The following FARP2 variants were observed in gnomAD, a reference collection of about 807,000 sequenced individuals.
FARP2 encodes FERM, ARH/RhoGEF and pleckstrin domain protein 2, also known as FERM, ARHGEF and pleckstrin domain-containing protein 2.
In FARP2, 111 loss-of-function variants were observed where a neutral mutation model predicts 130.5. The ratio of observed to expected loss-of-function variants is 0.85; its 90% CI spans 0.73 to 1.00. The LOEUF (loss-of-function observed/expected upper bound fraction) is 1.00. Ranked by LOEUF, FARP2 falls within the 50% of genes least tolerant of loss-of-function variation. The pLI is 0.00. For missense variants in FARP2, 1,385 were observed against 1,346.3 expected (o/e 1.03, Z -0.45); for synonymous variants, 504 against 516.9 (o/e 0.98, Z 0.34).
chr2:241,397,788 G>T (rs1431526724), intron 2 of FARP2, among the ~76,000 whole-genome samples: 1 of 150,910 alleles, frequency 6.6e-6, no homozygotes, highest in African/African-American at 2.4e-5. Context: ...AAATGTGAAA[G>T]ATCAATTTTC....
In FARP2 at chr2:241,480,519, A is replaced by T. The variant is rs535644964; in HGVS notation, c.2263-2946A>T. On this transcript the variant is annotated intron_variant, in intron 19 of 26. Transcript: ENST00000264042. The stretch of plus-strand genomic sequence containing the variant: ...GATTTTTGACCTTGATACAATAGAT[A>T]GGCTTGTGTTGTGTTTTTTTTTTTA... Among the ~76,000 whole-genome samples, 6 of 129,688 alleles carry T rather than the reference A, an allele frequency of 4.6e-5. No homozygotes were observed. The South Asian group carries it at 1.0e-3, about 22-fold the overall frequency. 85.1% of individuals were successfully genotyped at this position (129,688 alleles called of 152,430 possible). A position where few individuals can be genotyped will look rare whatever the true frequency, so the allele number is the denominator to read the frequency against.
rs565236385 is a variant in FARP2, at chr2:241,466,334, C to T, written c.1894-1806C>T. 93 of 985,430 alleles carry T rather than the reference C, an allele frequency of 9.4e-5. No individual in the cohort carries two copies. In the South Asian group the frequency reaches 2.8e-3, roughly 29 times the overall value. The allele number at this position is 985,430 out of a possible 1,614,324, so 61.0% of individuals were successfully genotyped here. A position where few individuals can be genotyped will look rare whatever the true frequency, so the allele number is the denominator to read the frequency against. The stretch of plus-strand genomic sequence containing the variant: ...GGGCCCTTGGCCAGCCACCCCTCAG[C>T]GACACTATACAACTCCTGGAGCGCC... On this transcript the variant is annotated intron_variant, in intron 17 of 26. Coordinates refer to ENST00000264042, the MANE Select transcript of FARP2 (RefSeq NM_014808.4).
intron 12 of FARP2, among the ~76,000 whole-genome samples, chr2:241,437,146 G>A (rs1398645223): frequency 6.6e-6 from 1 of 152,206 alleles, no homozygotes; most frequent in Non-Finnish European, 1.5e-5. Context: ...TGAAAGCATG[G>A]CTTAAAAAGA....
At chr2:241,435,503 A>C (rs1384095841) in intron 11 of FARP2, among the ~76,000 whole-genome samples, 1 of 148,078 alleles carries the variant, frequency 6.8e-6, no homozygotes, top group African/African-American at 2.5e-5. Context: ...AAGAAAGTGG[A>C]TTTGTAATTT....
intron 7 of FARP2, among the ~76,000 whole-genome samples, chr2:241,417,304 A>G (rs113227323): frequency 3.0e-4 from 45 of 152,154 alleles, no homozygotes; most frequent in African/African-American, 7.7e-4. Flanking sequence ...TCAAAAAAAA[A>G]AAAAGAAAAG....
chr2:241,357,018 G>A (rs2061084145), intron 1 of FARP2, among the ~76,000 whole-genome samples: 1 of 152,244 alleles, frequency 6.6e-6, no homozygotes, highest in Non-Finnish European at 1.5e-5. Flanking sequence ...ATATGGCCCA[G>A]TACATTACAC....
At chr2:241,442,207 C>T (rs1402447687) in intron 13 of FARP2, 1 of 456,642 alleles carries the variant, frequency 2.2e-6, no homozygotes, top group Non-Finnish European at 4.4e-6. Flanking sequence ...GCTGTCTGTG[C>T]ACACATGCAG....
At chr2:241,364,034 G>T (rs1186960298) in intron 1 of FARP2, among the ~76,000 whole-genome samples, 1 of 152,194 alleles carries the variant, frequency 6.6e-6, no homozygotes, top group East Asian at 1.9e-4. Context: ...GGGAGTATGT[G>T]ACTGATTTGG....
chr2:241,491,446 A>AG, intron 23 of FARP2, 70 bp from the exon 24 acceptor site: 1 of 1,549,012 alleles, frequency 6.5e-7, no homozygotes, highest in South Asian at 1.1e-5. Flanking sequence ...GAGGAACCCA[A>AG]GGGGTGGAAG....
chr2:241,480,622 T>C (rs1046507009), intron 19 of FARP2, among the ~76,000 whole-genome samples: 3 of 152,078 alleles, frequency 2.0e-5, no homozygotes, highest in African/African-American at 7.2e-5. Context: ...TTAGGTATGG[T>C]ATTTTATCAG....
intron 13 of FARP2, among the ~76,000 whole-genome samples, chr2:241,452,833 C>T (rs970899871): frequency 8.0e-5 from 12 of 150,506 alleles, no homozygotes; most frequent in African/African-American, 2.7e-4. Context: ...CCCAGCTACT[C>T]GGGAGGCTGA....
intron 2 of FARP2, among the ~76,000 whole-genome samples, chr2:241,380,272 G>A (rs2150311898): frequency 6.6e-6 from 1 of 152,318 alleles, no homozygotes; most frequent in East Asian, 1.9e-4. Context: ...CATTTGTTGA[G>A]CACCTGAGAG....
chr2:241,453,474 T>C (rs1319537052), intron 13 of FARP2, among the ~76,000 whole-genome samples: 1 of 151,224 alleles, frequency 6.6e-6, no homozygotes, highest in Non-Finnish European at 1.5e-5. Context: ...TACAAAAAAT[T>C]AGCCAGGCAT....
intron 2 of FARP2, among the ~76,000 whole-genome samples, chr2:241,389,390 T>C (rs2061856954): frequency 6.6e-6 from 1 of 152,236 alleles, no homozygotes; most frequent in Non-Finnish European, 1.5e-5. Context: ...CACTTGTGAA[T>C]AGAAGAAAAT....
intron 4 of FARP2, among the ~76,000 whole-genome samples, chr2:241,405,703 GC>G (rs2062315626): frequency 6.6e-6 from 1 of 152,214 alleles, no homozygotes; most frequent in Non-Finnish European, 1.5e-5. Context: ...GGAGGCCCAA[GC>G]GGGCAGATCA....
At chr2:241,478,178 T>TA (rs1409862060) in intron 19 of FARP2, 3 of 154,006 alleles carry the variant, frequency 1.9e-5, no homozygotes, top group Non-Finnish European at 4.3e-5. Flanking sequence ...TGCACACCTA[T>TA]AGACCCAGCT....
chr2:241,411,279 C>G, intron 6 of FARP2, 149 bp downstream of exon 6: 1 of 628,890 alleles, frequency 1.6e-6, no homozygotes, highest in Non-Finnish European at 2.8e-6. Flanking sequence ...TTTTTATAAG[C>G]TACAGATTAA....
chr2:241,406,453 T>C (rs2062351908), intron 4 of FARP2, among the ~76,000 whole-genome samples: 1 of 152,018 alleles, frequency 6.6e-6, no homozygotes, highest in South Asian at 2.1e-4. Context: ...CGCATGTTTT[T>C]GTGTGTGGAG....
intron 1 of FARP2, chr2:241,372,634 T>TTGGTAGAAA (rs1225130339): frequency 6.6e-6 from 1 of 152,316 alleles, no homozygotes; most frequent in Non-Finnish European, 1.5e-5. Context: ...CTGTTTACGT[T>TTGGTAGAAA]TGGTAGAAAT....
Sources: gnomAD v4.1 joint callset for allele counts (sites outside exome capture counted in the v4.1 genomes callset) on GRCh38, gnomAD v4.1.1 for gene constraint, MANE v1.5 for transcripts, NCBI Gene and HGNC (gene_info 2026-07-23, HGNC 2026-07-21) for gene names.